LCTL: variants seen among roughly 807,000 people sequenced by gnomAD.
LCTL encodes the protein lactase like.
LCTL carries 76 observed loss-of-function variants against 75.8 expected under a neutral mutation model. The ratio of observed to expected loss-of-function variants is 1.00; its 90% confidence interval spans 0.83 to 1.21. LCTL has a LOEUF of 1.21. LCTL is among the 50% of genes most tolerant of loss of function. The pLI is 0.00. For synonymous variants in LCTL, 271 were observed against 268.8 expected (o/e 1.01, Z -0.08); for missense variants, 670 against 712.4 (o/e 0.94, Z 0.68).
At chr15:66,558,981 C>A (rs1053041094) in intron 6 of LCTL, among the ~76,000 whole-genome samples, 1 of 151,994 alleles carries the variant, frequency 6.6e-6, no homozygotes, top group African/African-American at 2.4e-5. Context: ...CAGGCATGAG[C>A]CACTGTGCCT....
chr15:66,552,399 G>A (rs1282310250), intron 9 of LCTL, among the ~76,000 whole-genome samples: 2 of 152,108 alleles, frequency 1.3e-5, no homozygotes, highest in African/African-American at 2.4e-5. Flanking sequence ...TGCCAGGCGC[G>A]GTGGCTCACG....
At position 66,551,781 on chromosome 15, in the gene LCTL, C is replaced by CT; in HGVS notation, c.1404dup (p.Asp469ArgfsTer2). ...TCAACATAGTAGAATCCATATCTAT[C>CT]TGAGTATCCTTTCTCCCATTCAAAC... On this transcript the variant is annotated frameshift_variant, in exon 11 of 13. Coordinates refer to ENST00000341509, the Ensembl canonical transcript of LCTL. LOFTEE classifies it high-confidence loss of function. 6.2e-7 allele frequency: 1 copy of CT among 1,613,864 alleles called. No individual in the cohort carries two copies.
At chr15:66,549,593 G>A (rs903767786) in intron 12 of LCTL, 1 of 152,864 alleles carries the variant, frequency 6.5e-6, no homozygotes, top group African/African-American at 2.4e-5. Flanking sequence ...TGAAGACAGG[G>A]ACCTTGTTTT....
chr15:66,557,025 G>A (rs1895757112), intron 8 of LCTL, among the ~76,000 whole-genome samples: 3 of 152,248 alleles, frequency 2.0e-5, no homozygotes, highest in Non-Finnish European at 2.9e-5. Context: ...GGGTGTTGAC[G>A]TGTAAAGATG....
chr15:66,550,024 G>A lies in LCTL; in HGVS notation c.1588+17C>T. On this transcript the variant is annotated intron_variant, in intron 12 of 12. Transcript: ENST00000341509. ...AGTTTAATTATTAAAGGAAAACATTGAAATATACTGACTCACCTGCAGCAA... is the reference window on the plus strand; with the variant it reads ...AGTTTAATTATTAAAGGAAAACATTAAAATATACTGACTCACCTGCAGCAA... The A allele has an allele frequency of 6.4e-7, 1 of 1,552,894 alleles. No homozygotes were observed. The highest frequency in any genetic ancestry group is 8.7e-7 in the Non-Finnish European group (1 of 1,145,268).
chr15:66,562,974 C>T (rs1895928973), intron 4 of LCTL, among the ~76,000 whole-genome samples: 1 of 152,176 alleles, frequency 6.6e-6, no homozygotes, highest in South Asian at 2.1e-4. Flanking sequence ...TCACTCTTTT[C>T]ACTTACTACA....
chr15:66,559,166 G>A (rs1895821630), intron 6 of LCTL, among the ~76,000 whole-genome samples: 1 of 150,698 alleles, frequency 6.6e-6, no homozygotes, highest in Admixed American at 6.6e-5. Context: ...CAACAGGCAT[G>A]TGCCACCACA....
chr15:66,553,051 G>C lies in LCTL; in HGVS notation c.1130C>G (p.Pro377Arg), dbSNP rs374245146. The C allele has an allele frequency of 1.4e-5, 22 of 1,597,062 alleles. No homozygotes were observed. The highest frequency in any genetic ancestry group is 5.2e-5 in the Admixed American group (3 of 57,368). ...ATATAGCCATTTAGACCCCAGATCT[G>C]GCCAGTTTGGGTCAACCAGCTCTAT... is the stretch of plus-strand genomic sequence containing the variant. The change falls in exon 9 of 13, where the codon CCA (proline) becomes CGA (arginine). Residue 377 changes from proline (P) to arginine (R), a missense_variant. Coordinates refer to ENST00000341509, the Ensembl canonical transcript of LCTL.
chr15:66,557,979 C>A lies in LCTL; in HGVS notation c.760+3G>T. 6.2e-7 allele frequency: 1 copy of A among 1,607,392 alleles called. No homozygotes were observed. The highest frequency in any genetic ancestry group is 8.5e-7 in the Non-Finnish European group (1 of 1,174,868). ...TGGGTACATGTGTGGGGCCACAGCT[C>A]ACCTTGCTGCTTGCTGCGCCACGTG... On this transcript the variant is annotated splice_donor_region_variant and intron_variant, in intron 7 of 12. Coordinates refer to ENST00000341509, the Ensembl canonical transcript of LCTL.
intron 8 of LCTL, among the ~76,000 whole-genome samples, chr15:66,556,594 C>T (rs550449226): frequency 5.9e-5 from 9 of 152,206 alleles, no homozygotes; most frequent in South Asian, 2.1e-4. Flanking sequence ...CTTGAGCCAC[C>T]GTGCCCGGCT....
At chr15:66,565,096 A>AAC (rs140244065) in intron 1 of LCTL, 152 bp downstream of exon 2, 197 of 688,092 alleles carry the variant, frequency 2.9e-4, no homozygotes, top group Admixed American at 3.9e-4. Context: ...CAAAAAAAAA[A>AAC]TATCTGTTAG....
rs1013066590 is a variant in LCTL at position 66,553,210 on chromosome 15, A to C, written c.971T>G (p.Phe324Cys). ...AATGTAGCTCTTCTCCTGGAGTGAG[A>C]ACACCGGTAACCTCGACATCTCCAG... Residue 324 changes from phenylalanine to cysteine, a missense_variant, in exon 9 of 13, where the codon TTC (phenylalanine) becomes TGC (cysteine). Phe to Cys is a radical substitution (Grantham distance 205, BLOSUM62 -2). Transcript: ENST00000341509. 3.7e-6 allele frequency: 6 copies of C among 1,604,606 alleles called. No homozygotes were observed. In the African/African-American group the frequency reaches 8.0e-5, roughly 22 times the overall value.
chr15:66,564,613 A>C (rs1895974157), intron 2 of LCTL, 63 bp downstream of exon 3: 1 of 1,535,936 alleles, frequency 6.5e-7, no homozygotes, highest in Non-Finnish European at 8.8e-7. Flanking sequence ...CCTCCCAGCT[A>C]GGCATGTACT....
At chr15:66,550,047 C>G in exon 12 of LCTL, 2 of 1,600,018 alleles carry the variant, frequency 1.2e-6, no homozygotes, top group Admixed American at 1.7e-5. Flanking sequence ...TCACCTGCAG[C>G]AAGCATCTGA....
rs150346835 is a variant in LCTL, at chr15:66,553,100, T to G, written c.1081A>C (p.Ser361Arg). Residue 361 changes from serine to arginine, a missense_variant, in exon 9 of 13, where the codon AGC becomes CGC. Physicochemically the swap from Ser to Arg is moderately radical, Grantham distance 110 (BLOSUM62 -1). Coordinates refer to ENST00000341509, the Ensembl canonical transcript of LCTL. ...ATCAAGTCACGATCGTTCTGGTAGC[T>G]GGGCCCCTGGCGGGAGGGGTAGTTC... The G allele has an allele frequency of 9.6e-4, 1,544 of 1,611,350 alleles. 6 individuals carry two copies. Among genetic ancestry groups the G allele is most frequent in the Admixed American group, 8.1e-4 (48 of 59,530 alleles).
exon 6 of LCTL, chr15:66,561,015 G>A: frequency 2.5e-6 from 4 of 1,614,058 alleles, no homozygotes; most frequent in South Asian, 2.2e-5. Flanking sequence ...CCTTAATGAT[G>A]TGGTGTGCTG....
intron 11 of LCTL, among the ~76,000 whole-genome samples, chr15:66,551,052 A>C (rs1895579600): frequency 6.6e-6 from 1 of 152,030 alleles, no homozygotes; most frequent in Non-Finnish European, 1.5e-5. Flanking sequence ...TGTTTGCATT[A>C]AGACACAAGA....
rs142935775 is a variant in LCTL at position 66,563,545 on chromosome 15, C to T, written c.451G>A (p.Val151Met). The change falls in exon 4 of 13, where the codon GTG becomes ATG. Residue 151 changes from valine (V) to methionine (M), a missense_variant. Val to Met is a conservative substitution (Grantham distance 21, BLOSUM62 1). Transcript: ENST00000341509. ...GGCAGATCCCAGTGGTGCAAGGTCA[C>T]GATGGGAGTGATGTTGCTGCTCAGA... is the stretch of plus-strand genomic sequence containing the variant. The T allele has an allele frequency of 3.4e-4, 544 of 1,612,266 alleles. 1 individual carries two copies. Among genetic ancestry groups the T allele is most frequent in the Non-Finnish European group, 4.5e-4 (532 of 1,179,716 alleles).
At chr15:66,564,426 G>A (rs1433096583) in intron 2 of LCTL, 52 of 513,506 alleles carry the variant, frequency 1.0e-4, no homozygotes, top group Non-Finnish European at 5.9e-5. Flanking sequence ...TTGGCCTGAG[G>A]CACTGGCTCA....
Sources: gnomAD v4.1 joint callset for allele counts (sites outside exome capture counted in the v4.1 genomes callset) on GRCh38, gnomAD v4.1.1 for gene constraint, MANE v1.5 for transcripts, NCBI Gene and HGNC (gene_info 2026-07-23, HGNC 2026-07-21) for gene names.